Variants in RNF152 observed in about 807,000 individuals in gnomAD.
The protein encoded by RNF152 is E3 ubiquitin-protein ligase RNF152.
Under a neutral mutation model 12.7 loss-of-function variants are expected in RNF152, and 11 were observed. That is an observed-to-expected ratio of 0.86 (90% CI 0.54 to 1.43). RNF152 has a LOEUF of 1.43. RNF152 is among the 40% of genes most tolerant of loss of function. The pLI, the probability that RNF152 is intolerant of heterozygous loss-of-function variation, is 0.00. For missense variants in RNF152, 255 were observed against 274.8 expected (o/e 0.93, Z 0.51); for synonymous variants, 113 against 120.3 (o/e 0.94, Z 0.40).
rs556107263 is a variant in RNF152 at position 61,810,197 on chromosome 18, T to C, written c.*5655A>G. 4 of 152,346 alleles carry C rather than the reference T, an allele frequency of 2.6e-5. No individual in the cohort carries two copies. Among genetic ancestry groups the C allele is most frequent in the East Asian group, 1.9e-4 (1 of 5,192 alleles). The allele number at this position is 152,346 out of a possible 1,614,324, so 9.4% of individuals were successfully genotyped here. On this transcript the variant is annotated 3_prime_UTR_variant, in exon 2 of 2. Coordinates refer to ENST00000312828, the MANE Select transcript of RNF152 (RefSeq NM_173557.3). ...GAAATTAGCATCTAATCCAATATTG[T>C]ATAACTCACAAATTGGAAAACATGA...
chr18:61,830,252 C>T (rs2144647237), intron 1 of RNF152, among the ~76,000 whole-genome samples: 1 of 152,160 alleles, frequency 6.6e-6, no homozygotes, highest in Admixed American at 6.5e-5. Context: ...TCTTGAACTC[C>T]TCACCTCAAG....
chr18:61,841,581 TG>T (rs1236461245), intron 1 of RNF152, among the ~76,000 whole-genome samples: 1 of 152,138 alleles, frequency 6.6e-6, no homozygotes, highest in African/African-American at 2.4e-5. Flanking sequence ...TTCTTAACTT[TG>T]GGGGGTTACA....
chr18:61,857,485 G>C (rs571976783), intron 1 of RNF152, among the ~76,000 whole-genome samples: 4 of 152,236 alleles, frequency 2.6e-5, no homozygotes, highest in Non-Finnish European at 5.9e-5. Context: ...ATTTTCAAAA[G>C]CCATAAAAAT....
chr18:61,811,262 A>T lies in RNF152; in HGVS notation c.*4590T>A, dbSNP rs1912967537. Reference sequence around the variant, plus strand: ...AGGGATGGGAACTCTTAAAATCAAAATCTAGACTGGAATAAATACCAGATT... The same window carrying T: ...AGGGATGGGAACTCTTAAAATCAAATTCTAGACTGGAATAAATACCAGATT... On this transcript the variant is annotated 3_prime_UTR_variant, in exon 2 of 2. Coordinates refer to ENST00000312828, the MANE Select transcript of RNF152 (RefSeq NM_173557.3). 6.6e-6 allele frequency: 1 copy of T among 152,236 alleles called. No individual in the cohort carries two copies. Among genetic ancestry groups the T allele is most frequent in the Non-Finnish European group, 1.5e-5 (1 of 68,044 alleles). 9.4% of individuals were successfully genotyped at this position (152,236 alleles called of 1,614,324 possible). A position where few individuals can be genotyped will look rare whatever the true frequency, so the allele number is the denominator to read the frequency against.
At chr18:61,844,077 G>GGAAAGAAATAAA (rs1910586767) in intron 1 of RNF152, among the ~76,000 whole-genome samples, 1 of 68,414 alleles carries the variant, frequency 1.5e-5, no homozygotes, top group African/African-American at 5.0e-5. Flanking sequence ...CAGAAAGAAA[G>GGAAAGAAATAAA]GAAAGAAAGA....
At chr18:61,857,467 T>C (rs1911277128) in intron 1 of RNF152, among the ~76,000 whole-genome samples, 1 of 152,206 alleles carries the variant, frequency 6.6e-6, no homozygotes. Flanking sequence ...CCTGGCAGAA[T>C]GAAGCAAATT....
chr18:61,884,354 T>C (rs1311426427), intron 1 of RNF152, among the ~76,000 whole-genome samples: 1 of 151,946 alleles, frequency 6.6e-6, no homozygotes, highest in Non-Finnish European at 1.5e-5. Context: ...ATTAGAGCCA[T>C]GTAAGGCAGG....
rs1373325279 is a variant in RNF152 at position 61,816,414 on chromosome 18, T to A, written c.50A>T (p.Asn17Ile). The change falls in exon 2 of 2, where the codon AAT (asparagine) becomes ATT (isoleucine). Residue 17 changes from asparagine (N) to isoleucine (I), a missense_variant. Asn to Ile is a moderately radical substitution (Grantham distance 149). Coordinates refer to ENST00000312828, the MANE Select transcript of RNF152 (RefSeq NM_173557.3). Reference sequence around the variant, plus strand: ...GGGCCTGCGCCGGGGGCTGTAGTAATTGAAACAGATCTGACATTCCAGCAG... The same window carrying A: ...GGGCCTGCGCCGGGGGCTGTAGTAAATGAAACAGATCTGACATTCCAGCAG... Reference protein sequence around the residue: ...DSLLECQICFNYYSPRRRPKL... With the variant: ...DSLLECQICFIYYSPRRRPKL... 2 of 1,613,306 alleles carry A rather than the reference T, an allele frequency of 1.2e-6. No individual in the cohort carries two copies. Among genetic ancestry groups the A allele is most frequent in the Admixed American group, 1.7e-5 (1 of 60,016 alleles).
chr18:61,833,558 A>T (rs1910047534), intron 1 of RNF152, among the ~76,000 whole-genome samples: 1 of 152,170 alleles, frequency 6.6e-6, no homozygotes, highest in South Asian at 2.1e-4. Flanking sequence ...AACCACAGAC[A>T]CACACAAACA....
intron 1 of RNF152, among the ~76,000 whole-genome samples, chr18:61,891,144 T>C (rs567517613): frequency 6.6e-6 from 1 of 152,248 alleles, no homozygotes; most frequent in East Asian, 1.9e-4. Context: ...AATGAATAAA[T>C]GAGCATTGTA....
At chr18:61,845,558 T>C (rs1910708717) in intron 1 of RNF152, among the ~76,000 whole-genome samples, 1 of 152,254 alleles carries the variant, frequency 6.6e-6, no homozygotes, top group African/African-American at 2.4e-5. Flanking sequence ...TAAAGCAGGT[T>C]TGGAAAGTTT....
At chr18:61,878,105 C>A (rs1207346178) in intron 1 of RNF152, among the ~76,000 whole-genome samples, 1 of 152,224 alleles carries the variant, frequency 6.6e-6, no homozygotes, top group African/African-American at 2.4e-5. Flanking sequence ...AACTGCATCT[C>A]ATTTCCATAT....
At chr18:61,840,087 G>A (rs1424838422) in intron 1 of RNF152, among the ~76,000 whole-genome samples, 2 of 152,022 alleles carry the variant, frequency 1.3e-5, no homozygotes, top group Admixed American at 6.5e-5. Context: ...CATGGGCACA[G>A]CTAGAAAATA....
At chr18:61,882,860 C>T (rs1040121908) in intron 1 of RNF152, among the ~76,000 whole-genome samples, 1 of 152,106 alleles carries the variant, frequency 6.6e-6, no homozygotes, top group South Asian at 2.1e-4. Context: ...GTACACAATG[C>T]CCCCCTCCAC....
At chr18:61,866,954 A>G (rs1222894342) in intron 1 of RNF152, among the ~76,000 whole-genome samples, 1 of 152,222 alleles carries the variant, frequency 6.6e-6, no homozygotes, top group East Asian at 1.9e-4. Flanking sequence ...ATCCCTTATA[A>G]GCTGGGGTGG....
chr18:61,839,310 T>TGA (rs1264102833), intron 1 of RNF152, among the ~76,000 whole-genome samples: 1 of 152,228 alleles, frequency 6.6e-6, no homozygotes, highest in Non-Finnish European at 1.5e-5. Flanking sequence ...TCCTTTAGTC[T>TGA]TCCTCAATCT....
At chr18:61,853,191 G>T (rs1193492996) in intron 1 of RNF152, among the ~76,000 whole-genome samples, 1 of 152,108 alleles carries the variant, frequency 6.6e-6, no homozygotes, top group Non-Finnish European at 1.5e-5. Context: ...TTATCTTATA[G>T]GTCTGGAGCC....
intron 1 of RNF152, among the ~76,000 whole-genome samples, chr18:61,864,563 C>T (rs1192661229): frequency 6.6e-6 from 1 of 152,048 alleles, no homozygotes; most frequent in African/African-American, 2.4e-5. Flanking sequence ...TAGACATGGT[C>T]GATTAAATCA....
intron 1 of RNF152, among the ~76,000 whole-genome samples, chr18:61,864,501 G>A (rs983446281): frequency 6.6e-6 from 1 of 152,180 alleles, no homozygotes; most frequent in Non-Finnish European, 1.5e-5. Flanking sequence ...TCCTCAAAGT[G>A]TTCACCGACC....
Sources: gnomAD v4.1 joint callset for allele counts (sites outside exome capture counted in the v4.1 genomes callset) on GRCh38, gnomAD v4.1.1 for gene constraint, MANE v1.5 for transcripts, NCBI Gene and HGNC (gene_info 2026-07-23, HGNC 2026-07-21) for gene names.